The following TMCC3 variants were observed in gnomAD, a reference collection of about 807,000 sequenced individuals.
TMCC3 encodes transmembrane and coiled-coil domain family 3.
In TMCC3, 28 loss-of-function variants were observed where a neutral mutation model predicts 40.2. The observed-to-expected ratio is 0.70, with a 90% confidence interval of 0.52 to 0.95. TMCC3 has a LOEUF of 0.95. Ranked by LOEUF, TMCC3 falls within the 40% of genes least tolerant of loss-of-function variation. The pLI, the probability that TMCC3 is intolerant of heterozygous loss-of-function variation, is 0.00. For synonymous variants in TMCC3, 255 were observed against 248.5 expected, an observed-to-expected ratio of 1.03 and a Z score of -0.25; for missense variants, 554 against 615.2, an observed-to-expected ratio of 0.90 and a Z score of 1.05.
At chr12:94,640,434 T>C (rs2068983312) in intron 1 of TMCC3, among the ~76,000 whole-genome samples, 1 of 152,222 alleles carries the variant, frequency 6.6e-6, no homozygotes, top group Non-Finnish European at 1.5e-5. Flanking sequence ...TCCACCCACC[T>C]TGGCCTCCCA....
At position 94,610,465 on chromosome 12, in the gene TMCC3, A is replaced by G. The variant is rs1162856223; in HGVS notation, c.79-27927T>C. On this transcript the variant is annotated intron_variant, in intron 1 of 3. Transcript: ENST00000261226. ...AAAATTTTTTTTTCAAGAGATATAA[A>G]GAACAGAAATGGAGATGAAAATATT... Among the ~76,000 whole-genome samples the G allele has an allele frequency of 2.6e-5, 4 of 152,262 alleles. No individual in the cohort carries two copies. In the South Asian group the frequency reaches 8.3e-4, roughly 32 times the overall value.
rs114263005 is a variant in TMCC3, at chr12:94,621,317, A to G, written c.78+29036T>C. ...CACAGCTCTTCTGGCTCCTTCGAGG[A>G]AGTGAGGACCAGTATGTGGAAGAGC... On this transcript the variant is annotated intron_variant, in intron 1 of 3. Coordinates refer to ENST00000261226, the MANE Select transcript of TMCC3 (RefSeq NM_020698.4). 4.7e-3 allele frequency among the ~76,000 whole-genome samples: 719 copies of G among 152,326 alleles called. 10 individuals carry two copies. Among genetic ancestry groups the G allele is most frequent in the African/African-American group, 0.016 (680 of 41,572 alleles).
At chr12:94,586,022 T>C (rs1319005252) in intron 1 of TMCC3, among the ~76,000 whole-genome samples, 1 of 152,158 alleles carries the variant, frequency 6.6e-6, no homozygotes, top group African/African-American at 2.4e-5. Context: ...AAGACACCTT[T>C]CCATTGAGCC....
Position 94,581,728 on chromosome 12 carries a change from T to C in TMCC3, c.889A>G (p.Ile297Val). ...GCCAGCTGAGCTTGGGTATCCTTGA[T>C]CTCCCTCAGTTCCTCCAGGATCACG... ...LAVILEELRE[I>V]KDTQAQLAED... is the part of the protein sequence containing the mutation. Residue 297 changes from isoleucine to valine, a missense_variant, in exon 2 of 4, where the codon ATC becomes GTC. Transcript: ENST00000261226. 6.2e-7 allele frequency: 1 copy of C among 1,614,214 alleles called. No homozygotes were observed. Among genetic ancestry groups the C allele is most frequent in the Non-Finnish European group, 8.5e-7 (1 of 1,180,032 alleles).
intron 1 of TMCC3, among the ~76,000 whole-genome samples, chr12:94,620,832 A>C (rs1249032747): frequency 6.6e-6 from 1 of 152,198 alleles, no homozygotes; most frequent in African/African-American, 2.4e-5. Context: ...TCTCTAAGGC[A>C]CTTTATGTGT....
intron 1 of TMCC3, among the ~76,000 whole-genome samples, chr12:94,629,564 C>A (rs149986710): frequency 6.6e-6 from 1 of 152,342 alleles, no homozygotes; most frequent in African/African-American, 2.4e-5. Flanking sequence ...GGTAAAGCAG[C>A]CTCCCCTTAC....
At chr12:94,613,010 C>T (rs2068825270) in intron 1 of TMCC3, among the ~76,000 whole-genome samples, 1 of 151,896 alleles carries the variant, frequency 6.6e-6, no homozygotes, top group South Asian at 2.1e-4. Flanking sequence ...AAAGACAACC[C>T]ACAAATAATC....
At chr12:94,619,374 C>T (rs1349043338) in intron 1 of TMCC3, among the ~76,000 whole-genome samples, 3 of 152,204 alleles carry the variant, frequency 2.0e-5, no homozygotes, top group Admixed American at 2.0e-4. Flanking sequence ...AAGCACTCTC[C>T]TTGTAAATTC....
At chr12:94,649,504 G>A (rs1041117828) in intron 1 of TMCC3, among the ~76,000 whole-genome samples, 1 of 152,164 alleles carries the variant, frequency 6.6e-6, no homozygotes, top group Non-Finnish European at 1.5e-5. Context: ...CCAGCGTGGA[G>A]GAGGTGCTTT....
intron 1 of TMCC3, among the ~76,000 whole-genome samples, chr12:94,603,239 C>A (rs1034355336): frequency 2.0e-5 from 3 of 152,154 alleles, no homozygotes; most frequent in African/African-American, 7.2e-5. Flanking sequence ...CGTGCACCAC[C>A]ACGCCTGGCT....
intron 1 of TMCC3, among the ~76,000 whole-genome samples, chr12:94,645,105 ACCATTGTATT>A (rs1449286941): frequency 1.3e-5 from 2 of 152,246 alleles, no homozygotes; most frequent in African/African-American, 4.8e-5. Flanking sequence ...TGTTTCATTT[ACCATTGTATT>A]CCTGATGCCT....
intron 1 of TMCC3, among the ~76,000 whole-genome samples, chr12:94,643,118 A>G (rs980939434): frequency 1.3e-5 from 2 of 151,932 alleles, no homozygotes; most frequent in Non-Finnish European, 2.9e-5. Flanking sequence ...CTTGAACCTG[A>G]GCAGCGGAGG....
intron 1 of TMCC3, among the ~76,000 whole-genome samples, chr12:94,611,104 A>T (rs998119274): frequency 6.6e-6 from 1 of 152,232 alleles, no homozygotes; most frequent in Non-Finnish European, 1.5e-5. Flanking sequence ...TACTAACAGT[A>T]GCAAAATAAA....
chr12:94,593,774 C>A (rs1267432355), intron 1 of TMCC3, among the ~76,000 whole-genome samples: 4 of 152,130 alleles, frequency 2.6e-5, no homozygotes, highest in Non-Finnish European at 5.9e-5. Context: ...AAAAATGTAT[C>A]TTTCTTCAAA....
At chr12:94,572,306 C>CTTTATTTTTT (rs2068535965) in intron 3 of TMCC3, among the ~76,000 whole-genome samples, 1 of 50,634 alleles carries the variant, frequency 2.0e-5, no homozygotes, top group Non-Finnish European at 3.8e-5. Flanking sequence ...CCGACTTCAT[C>CTTTATTTTTT]TTTTTTTTTT....
chr12:94,582,675 CT>C, intron 1 of TMCC3, 137 bp from the exon 2 acceptor site: 3 of 742,944 alleles, frequency 4.0e-6, no homozygotes, highest in Non-Finnish European at 6.4e-6. Flanking sequence ...TAAAATCCCC[CT>C]GCTGTCCCCT....
chr12:94,644,746 G>C (rs907386874), intron 1 of TMCC3, among the ~76,000 whole-genome samples: 10 of 152,226 alleles, frequency 6.6e-5, no homozygotes, highest in African/African-American at 1.7e-4. Context: ...CTCCAGGACA[G>C]AGGTCAGTTT....
At chr12:94,636,486 G>A (rs912773633) in intron 1 of TMCC3, among the ~76,000 whole-genome samples, 3 of 152,198 alleles carry the variant, frequency 2.0e-5, no homozygotes, top group South Asian at 2.1e-4. Flanking sequence ...TGATTCCCAC[G>A]ATGGTACCCT....
intron 1 of TMCC3, among the ~76,000 whole-genome samples, chr12:94,594,790 C>T (rs61936660): frequency 0.33 from 50,007 of 152,068 alleles, 8,426 homozygotes; most frequent in Admixed American, 0.42. Context: ...CATTCATTCA[C>T]CACCTCACTT....
Sources: allele counts gnomAD v4.1 joint callset (sites outside exome capture counted in the v4.1 genomes callset), GRCh38; gene constraint gnomAD v4.1.1; transcripts MANE v1.5; gene names NCBI Gene and HGNC (gene_info 2026-07-23, HGNC 2026-07-21).